SMAD7: variants seen among roughly 807,000 people sequenced by gnomAD.
The protein encoded by SMAD7 is SMAD family member 7.
Under a neutral mutation model 38.7 loss-of-function variants are expected in SMAD7, and 8 were observed. The ratio of observed to expected loss-of-function variants is 0.21; its 90% CI spans 0.12 to 0.37. The LOEUF (loss-of-function observed/expected upper bound fraction) is 0.37. Among genes scored for constraint, SMAD7 ranks in the 10% least tolerant of loss-of-function variants. The pLI is 1.00. For synonymous variants in SMAD7, 327 were observed against 265.1 expected (o/e 1.23, Z -2.27); for missense variants, 477 against 577.9 (o/e 0.83, Z 1.79).
chr18:48,941,295 A>C (rs2070136658), intron 3 of SMAD7, among the ~76,000 whole-genome samples: 1 of 152,200 alleles, frequency 6.6e-6, no homozygotes, highest in South Asian at 2.1e-4. Flanking sequence ...AGAAGCTTTG[A>C]GTAAACAATA....
At chr18:48,922,507 C>T (rs1599218294) in intron 3 of SMAD7, among the ~76,000 whole-genome samples, 1 of 151,802 alleles carries the variant, frequency 6.6e-6, no homozygotes, top group Admixed American at 6.6e-5. Context: ...TCATGAGGAA[C>T]CTATCTGGTA....
At position 48,949,834 on chromosome 18, in the gene SMAD7, G is replaced by A. The variant is rs1415386875; in HGVS notation, c.591C>T (p.His197=). ...CACCTAGTTCGCAGAGTCGGCTAAG[G>A]TGATGGGGGTTGCAGCACACCAGCT... ...NPELVCCNPH[H]LSRLCELESP... The change falls in exon 1 of 4, where the codon CAC becomes CAT. Residue 197 remains histidine (H), a synonymous_variant. Transcript: ENST00000262158. 13 of 1,611,862 alleles carry A rather than the reference G, an allele frequency of 8.1e-6. No homozygotes were observed. The African/African-American group carries it at 1.5e-4, about 18-fold the overall frequency.
chr18:48,942,226 A>C (rs2070148261), intron 3 of SMAD7, among the ~76,000 whole-genome samples: 1 of 152,170 alleles, frequency 6.6e-6, no homozygotes, highest in African/African-American at 2.4e-5. Context: ...AACACTTCAC[A>C]CACCAAAGCA....
chr18:48,948,548 G>A (rs2070223116), intron 1 of SMAD7, 111 bp from the exon 2 acceptor site: 6 of 726,844 alleles, frequency 8.3e-6, no homozygotes, highest in Non-Finnish European at 1.1e-5. Context: ...AGCTGTGGGG[G>A]TTGGAGGCAG....
At chr18:48,933,255 C>A (rs971024541) in intron 3 of SMAD7, among the ~76,000 whole-genome samples, 2 of 152,182 alleles carry the variant, frequency 1.3e-5, no homozygotes, top group African/African-American at 4.8e-5. Flanking sequence ...GCACCTCCCC[C>A]ACCTATGGCC....
chr18:48,924,299 CG>C (rs1283564485), intron 3 of SMAD7, among the ~76,000 whole-genome samples: 1 of 152,120 alleles, frequency 6.6e-6, no homozygotes, highest in Admixed American at 6.5e-5. Context: ...AACCTGGCAC[CG>C]GCCAACAGGA....
At chr18:48,942,403 G>A in intron 3 of SMAD7, 78 bp downstream of exon 3, 1 of 976,316 alleles carries the variant, frequency 1.0e-6, no homozygotes, top group Non-Finnish European at 1.5e-6. Flanking sequence ...GGTGGCAGAA[G>A]GCCACCCCCA....
At chr18:48,940,787 G>A (rs2070129345) in intron 3 of SMAD7, among the ~76,000 whole-genome samples, 1 of 149,120 alleles carries the variant, frequency 6.7e-6, no homozygotes, top group African/African-American at 2.5e-5. Context: ...TCCAGCCTGG[G>A]CGACAGAGCG....
chr18:48,937,662 G>A (rs978171731), intron 3 of SMAD7, among the ~76,000 whole-genome samples: 2 of 152,174 alleles, frequency 1.3e-5, no homozygotes, highest in African/African-American at 2.4e-5. Flanking sequence ...AGGTGAGCCC[G>A]CCCCAGCCCT....
At chr18:48,927,701 C>G in intron 3 of SMAD7, among the ~76,000 whole-genome samples, 1 of 152,180 alleles carries the variant, frequency 6.6e-6, no homozygotes, top group Middle Eastern at 3.2e-3. Flanking sequence ...CTCTGAGGCT[C>G]CTGGGTTCTC....
chr18:48,927,301 A>G (rs147290230), intron 3 of SMAD7, among the ~76,000 whole-genome samples: 5 of 141,056 alleles, frequency 3.5e-5, no homozygotes, highest in Admixed American at 7.5e-5. Context: ...GGCTGACCTG[A>G]GAACACTGGA....
chr18:48,926,270 G>A (rs1161143796), intron 3 of SMAD7, among the ~76,000 whole-genome samples: 1 of 152,162 alleles, frequency 6.6e-6, no homozygotes, highest in Non-Finnish European at 1.5e-5. Flanking sequence ...CACAAAGAAC[G>A]TACTTGTGGG....
At chr18:48,937,027 C>T (rs1055200334) in intron 3 of SMAD7, among the ~76,000 whole-genome samples, 2 of 151,574 alleles carry the variant, frequency 1.3e-5, no homozygotes, top group African/African-American at 4.9e-5. Context: ...TGCAGTGACT[C>T]GAGATCCTGC....
Position 48,948,436 on chromosome 18 carries a change from C to G in SMAD7, c.615G>C (p.Glu205Asp), listed in dbSNP as rs2070221312. ...PHHLSRLCEL[E>D]SPPPPYSRYP... ...ATCTGGAGTAAGGAGGGGGGGGAGA[C>G]TCTGAAATTAAAAAAGCAAGAGAAA... The change falls in exon 2 of 4, where the codon GAG becomes GAC. Residue 205 changes from glutamate to aspartate, a missense_variant and splice_region_variant. Glu to Asp is a conservative substitution (Grantham distance 45, BLOSUM62 2). Transcript: ENST00000262158. 1 of 1,591,292 alleles carries G rather than the reference C, an allele frequency of 6.3e-7. No homozygotes were observed. Among genetic ancestry groups the G allele is most frequent in the Admixed American group, 1.8e-5 (1 of 54,808 alleles).
At chr18:48,933,383 C>A (rs1363398532) in intron 3 of SMAD7, among the ~76,000 whole-genome samples, 1 of 152,236 alleles carries the variant, frequency 6.6e-6, no homozygotes, top group African/African-American at 2.4e-5. Flanking sequence ...ATGGATTCAA[C>A]ATCACCTTCG....
intron 3 of SMAD7, among the ~76,000 whole-genome samples, chr18:48,926,053 T>C (rs2069924674): frequency 6.6e-6 from 1 of 152,188 alleles, no homozygotes; most frequent in South Asian, 2.1e-4. Flanking sequence ...GACCCCTTCT[T>C]AAATTTTTAA....
In SMAD7 at chr18:48,921,828, C is replaced by A; in HGVS notation, c.825G>T (p.Arg275Ser). The A allele has an allele frequency of 6.2e-7, 1 of 1,613,946 alleles. No homozygotes were observed. Reference sequence around the variant, plus strand: ...GAGAGGGCTCCTGGACACAGTAGAGCCTCCCCACTCTCGTCTTCTCCTCCC... The same window carrying A: ...GAGAGGGCTCCTGGACACAGTAGAGACTCCCCACTCTCGTCTTCTCCTCCC... The part of the protein sequence containing the change: ...AYWEEKTRVG[R>S]LYCVQEPSLD... The change falls in exon 4 of 4, where the codon AGG becomes AGT. Residue 275 changes from arginine (R) to serine (S), a missense_variant. Around this residue, in one of 2 missense-constraint regions of SMAD7, gnomAD observed 376 missense variants for 379.4 expected, o/e 0.99. Transcript: ENST00000262158. This position sits in a 1 kb window ranked among gnomAD's most constrained non-coding sequence, Gnocchi z 6.4.
chr18:48,923,460 T>A (rs972726791), intron 3 of SMAD7, among the ~76,000 whole-genome samples: 3 of 151,842 alleles, frequency 2.0e-5, no homozygotes, highest in Non-Finnish European at 4.4e-5. Flanking sequence ...ACCCACTGGC[T>A]CCACTCAGTT....
intron 2 of SMAD7, among the ~76,000 whole-genome samples, chr18:48,947,223 C>T (rs141080613): frequency 3.9e-5 from 6 of 152,210 alleles, no homozygotes; most frequent in Non-Finnish European, 7.3e-5. Context: ...ATTAGACCGG[C>T]ACCAGGCAAG....
Sources: gnomAD v4.1 joint callset for allele counts (sites outside exome capture counted in the v4.1 genomes callset) on GRCh38, gnomAD v4.1.1 for gene constraint, gnomAD v4.1.1 regional missense constraint, Gnocchi (gnomAD v3.1) non-coding constraint, MANE v1.5 for transcripts, NCBI Gene and HGNC (gene_info 2026-07-23, HGNC 2026-07-21) for gene names.